KAT6B: variants seen among roughly 807,000 people sequenced by gnomAD.
KAT6B encodes lysine acetyltransferase 6B, also known as histone acetyltransferase KAT6B.
KAT6B carries 10 observed loss-of-function variants against 187.5 expected under a neutral mutation model. The ratio of observed to expected loss-of-function variants is 0.05; its 90% CI spans 0.03 to 0.09. The LOEUF is 0.09. Ranked by LOEUF, KAT6B falls within the 10% of genes least tolerant of loss-of-function variation. The pLI is 1.00. For missense variants in KAT6B, 1,952 were observed against 2,558.9 expected, an observed-to-expected ratio of 0.76 and a Z score of 5.12; for synonymous variants, 861 against 926.8, an observed-to-expected ratio of 0.93 and a Z score of 1.29.
intron 3 of KAT6B, among the ~76,000 whole-genome samples, chr10:74,887,215 A>T (rs1241436484): frequency 6.6e-6 from 1 of 152,106 alleles, no homozygotes. Context: ...ATCTGAGACT[A>T]CAGGAGAGAG....
Position 74,975,464 on chromosome 10 carries a change from A to G in KAT6B, c.1127A>G (p.Gln376Arg). 1.2e-6 allele frequency: 2 copies of G among 1,614,180 alleles called. No individual in the cohort carries two copies. Among genetic ancestry groups the G allele is most frequent in the Non-Finnish European group, 8.5e-7 (1 of 1,180,034 alleles). ...FTGRGSPGRG[Q>R]KTKVCTTPSS... Reference sequence around the variant, plus strand: ...GGAAGGGGGTCACCTGGTAGGGGTCAAAAGACTAAAGTCTGTACCACACCT... The same window carrying G: ...GGAAGGGGGTCACCTGGTAGGGGTCGAAAGACTAAAGTCTGTACCACACCT... The change falls in exon 8 of 18, where the codon CAA (glutamine) becomes CGA (arginine). Residue 376 changes from glutamine to arginine, a missense_variant. This residue lies in a region of KAT6B where 417 missense variants were observed against 508.9 expected (regional missense o/e 0.82). Transcript: ENST00000287239.
intron 4 of KAT6B, among the ~76,000 whole-genome samples, chr10:74,966,196 T>A (rs191364617): frequency 6.6e-6 from 1 of 152,346 alleles, no homozygotes; most frequent in African/African-American, 2.4e-5. Flanking sequence ...GGAGTCTCTC[T>A]CATGCTTTGA....
At chr10:74,836,766 C>A (rs1358557200) in intron 1 of KAT6B, among the ~76,000 whole-genome samples, 1 of 152,168 alleles carries the variant, frequency 6.6e-6, no homozygotes, top group African/African-American at 2.4e-5. Context: ...CTAAACAGTT[C>A]TGTTCTGTTT....
chr10:74,902,036 C>T (rs1329279107), intron 3 of KAT6B, among the ~76,000 whole-genome samples: 2 of 152,134 alleles, frequency 1.3e-5, no homozygotes, highest in East Asian at 3.9e-4. Context: ...ACCCATCCGT[C>T]CCTGCTTTTC....
At chr10:74,829,862 C>T (rs1336597587) in intron 1 of KAT6B, among the ~76,000 whole-genome samples, 1 of 151,206 alleles carries the variant, frequency 6.6e-6, no homozygotes, top group Non-Finnish European at 1.5e-5. Flanking sequence ...ACTAAAAATA[C>T]AAAAAATTAG....
intron 3 of KAT6B, among the ~76,000 whole-genome samples, chr10:74,915,812 AT>A (rs1180155119): frequency 1.3e-5 from 2 of 152,180 alleles, no homozygotes; most frequent in African/African-American, 4.8e-5. Context: ...TGCCACTGTT[AT>A]TGATGCCCTG....
intron 3 of KAT6B, among the ~76,000 whole-genome samples, chr10:74,919,586 A>C (rs1388120976): frequency 6.6e-6 from 1 of 152,024 alleles, no homozygotes; most frequent in Non-Finnish European, 1.5e-5. Context: ...TTTTTTTAGT[A>C]GAGATGGGAT....
At chr10:74,975,196 A>T (rs567553372) in intron 7 of KAT6B, among the ~76,000 whole-genome samples, 103 of 152,188 alleles carry the variant, frequency 6.8e-4, no homozygotes, top group Non-Finnish European at 1.3e-3. Flanking sequence ...TACCTGGTGG[A>T]TGGGCCCTGG....
intron 4 of KAT6B, among the ~76,000 whole-genome samples, chr10:74,965,043 C>T (rs891262037): frequency 2.0e-4 from 31 of 152,312 alleles, no homozygotes; most frequent in African/African-American, 7.2e-4. Flanking sequence ...TAAATCTGAT[C>T]ACATAATTTC....
intron 12 of KAT6B, among the ~76,000 whole-genome samples, chr10:74,987,558 G>A (rs1842888372): frequency 6.6e-6 from 1 of 152,216 alleles, no homozygotes; most frequent in South Asian, 2.1e-4. Context: ...TTCAAGGATA[G>A]CCAGAGAAGG....
chr10:74,954,481 GA>G (rs1003037085), intron 3 of KAT6B, among the ~76,000 whole-genome samples: 38 of 148,386 alleles, frequency 2.6e-4, no homozygotes, highest in East Asian at 7.8e-4. Flanking sequence ...AAATGAAGCG[GA>G]AAAAAAAAAG....
chr10:74,944,374 G>T (rs1849940205), intron 3 of KAT6B, among the ~76,000 whole-genome samples: 2 of 152,180 alleles, frequency 1.3e-5, no homozygotes, highest in South Asian at 4.1e-4. Context: ...TCTTAGCTGA[G>T]ACAATAGGTT....
At chr10:74,870,970 C>T (rs1372824160) in intron 3 of KAT6B, among the ~76,000 whole-genome samples, 2 of 146,240 alleles carry the variant, frequency 1.4e-5, no homozygotes, top group Non-Finnish European at 3.0e-5. Context: ...CTCTGCCTCC[C>T]GGGTTCAAGT....
chr10:74,915,731 T>A (rs1268744762), intron 3 of KAT6B, among the ~76,000 whole-genome samples: 1 of 152,218 alleles, frequency 6.6e-6, no homozygotes, highest in Non-Finnish European at 1.5e-5. Context: ...TGTCTTAAAT[T>A]AAAACAATTT....
chr10:74,975,877 A>G lies in KAT6B; in HGVS notation c.1540A>G (p.Thr514Ala), dbSNP rs534868169. 8.7e-6 allele frequency: 14 copies of G among 1,614,030 alleles called. No homozygotes were observed. The highest frequency in any genetic ancestry group is 3.3e-5 in the Admixed American group (2 of 60,004). Residue 514 changes from threonine (T) to alanine (A), a missense_variant, in exon 8 of 18, where the codon ACT becomes GCT. Transcript: ENST00000287239. ...CAGTTCACAAAAGTCCAGCACGGCCACTTCTTCTCCCTCTCCCCAGAGTTC... is the reference window on the plus strand; with the variant it reads ...CAGTTCACAAAAGTCCAGCACGGCCGCTTCTTCTCCCTCTCCCCAGAGTTC... ...SPSSQKSSTA[T>A]SSPSPQSSSS...
chr10:75,030,142 C>T lies in KAT6B; in HGVS notation c.5318C>T (p.Ala1773Val). The T allele has an allele frequency of 6.2e-7, 1 of 1,614,242 alleles. No individual in the cohort carries two copies. Among genetic ancestry groups the T allele is most frequent in the East Asian group, 2.2e-5 (1 of 44,882 alleles). The change falls in exon 18 of 18, where the codon GCT (alanine) becomes GTT (valine). Residue 1773 changes from alanine to valine, a missense_variant. Physicochemically the swap from Ala to Val is moderately conservative, Grantham distance 64. Transcript: ENST00000287239. The surrounding 1 kb of genome is among the most constrained non-coding windows in gnomAD (Gnocchi z 4.8). ...CAGCTGGCTCAGTGCAGCATGGCTGCTAACTTCACCCCACCCATGCAGCTG... is the reference window on the plus strand; with the variant it reads ...CAGCTGGCTCAGTGCAGCATGGCTGTTAACTTCACCCCACCCATGCAGCTG... The part of the protein sequence containing the change: ...SQQLAQCSMA[A>V]NFTPPMQLAE...
At chr10:75,026,254 G>A (rs1845829706) in intron 17 of KAT6B, 1 of 151,068 alleles carries the variant, frequency 6.6e-6, no homozygotes, top group African/African-American at 2.4e-5. Context: ...CTTTTAAGTT[G>A]ACAGGGACAC....
At chr10:74,834,607 C>T (rs1353836272) in intron 1 of KAT6B, among the ~76,000 whole-genome samples, 1 of 152,204 alleles carries the variant, frequency 6.6e-6, no homozygotes, top group Non-Finnish European at 1.5e-5. Context: ...TGGCCTCAAC[C>T]TCCTGGGCGG....
At chr10:74,891,678 G>C (rs141054802) in intron 3 of KAT6B, among the ~76,000 whole-genome samples, 1 of 152,112 alleles carries the variant, frequency 6.6e-6, no homozygotes, top group East Asian at 1.9e-4. Context: ...AGCCCTTCTG[G>C]GAGCTTTTAT....
Sources: allele counts gnomAD v4.1 joint callset (sites outside exome capture counted in the v4.1 genomes callset), GRCh38; gene constraint gnomAD v4.1.1; regional missense constraint gnomAD v4.1.1; non-coding constraint Gnocchi (gnomAD v3.1); transcripts MANE v1.5; gene names NCBI Gene and HGNC (gene_info 2026-07-23, HGNC 2026-07-21).